HLCS: variants seen among roughly 807,000 people sequenced by gnomAD.
HLCS encodes holocarboxylase synthetase.
HLCS carries 53 observed loss-of-function variants against 75.0 expected under a neutral mutation model. The ratio of observed to expected loss-of-function variants is 0.71; its 90% CI spans 0.57 to 0.89. The LOEUF (loss-of-function observed/expected upper bound fraction) is 0.89. Ranked by LOEUF, HLCS falls within the 40% of genes least tolerant of loss-of-function variation. HLCS has a pLI of 0.00. For missense variants in HLCS, 966 were observed against 1,074.0 expected (o/e 0.90, Z 1.41); for synonymous variants, 431 against 428.6 (o/e 1.01, Z -0.07).
At chr21:36,865,432 AAAAC>A (rs2063522412) in intron 6 of HLCS, among the ~76,000 whole-genome samples, 1 of 152,134 alleles carries the variant, frequency 6.6e-6, no homozygotes, top group African/African-American at 2.4e-5. Context: ...AAATGGCATA[AAAAC>A]AAACAATAAA....
intron 5 of HLCS, among the ~76,000 whole-genome samples, chr21:36,906,198 C>T (rs976918340): frequency 7.2e-5 from 11 of 151,902 alleles, no homozygotes; most frequent in Non-Finnish European, 1.5e-4. Flanking sequence ...ATGTGCCAGA[C>T]CTGTTTACTG....
At chr21:36,830,821 CAAAAAAAAAAA>C (rs34494258) in intron 6 of HLCS, among the ~76,000 whole-genome samples, 1 of 62,004 alleles carries the variant, frequency 1.6e-5, no homozygotes, top group Non-Finnish European at 3.1e-5. Context: ...GACCCTCTCT[CAAAAAAAAAAA>C]AAAAAAAAAA....
In HLCS at chr21:36,966,497, C is replaced by A. The variant is rs1327173242; in HGVS notation, c.142G>T (p.Ala48Ser). Residue 48 changes from alanine (A) to serine (S), a missense_variant, in exon 1 of 11, where the codon GCC becomes TCC. Coordinates refer to ENST00000674895, the MANE Select transcript of HLCS (RefSeq NM_001352514.2). ...FCGAAAQPPG[A>S]RVCLSRGGRV... ...CCGCCACGGCTCAGGCACACGCGGG[C>A]GCCCGGGGGCTGCGCGGCCGCGCCG... The A allele has an allele frequency of 2.0e-6, 2 of 979,864 alleles. No homozygotes were observed. Among genetic ancestry groups the A allele is most frequent in the Non-Finnish European group, 2.4e-6 (2 of 829,612 alleles). 60.7% of individuals were successfully genotyped at this position (979,864 alleles called of 1,614,324 possible). A position where few individuals can be genotyped will look rare whatever the true frequency, so the allele number is the denominator to read the frequency against.
chr21:36,974,741 CA>C (rs2068891397), intron 1 of HLCS: 3 of 152,144 alleles, frequency 2.0e-5, no homozygotes, highest in Admixed American at 2.0e-4. Flanking sequence ...CCTGTAAGGA[CA>C]AAGGGAGAAG....
rs546756953 is a variant in HLCS at position 36,835,643 on chromosome 21, G to A, written c.1892+61217C>T. ...CCACACCCAGCCTCCCTGCTCTCCC[G>A]AGTTTATGGCCCTGGGCACCTCTCC... On this transcript the variant is annotated intron_variant, in intron 6 of 10. Transcript: ENST00000674895. Among the ~76,000 whole-genome samples the A allele has an allele frequency of 5.9e-5, 9 of 152,256 alleles. No individual in the cohort carries two copies. In the South Asian group the frequency reaches 1.0e-3, roughly 18 times the overall value.
intron 6 of HLCS, among the ~76,000 whole-genome samples, chr21:36,884,329 G>C (rs1364738800): frequency 1.3e-5 from 2 of 152,188 alleles, no homozygotes; most frequent in East Asian, 3.9e-4. Context: ...ATTGCAGCTT[G>C]TCCATTTTAA....
intron 6 of HLCS, among the ~76,000 whole-genome samples, chr21:36,829,659 G>T (rs543202171): frequency 4.2e-4 from 64 of 152,102 alleles, no homozygotes; most frequent in Non-Finnish European, 7.8e-4. Context: ...GATGTTTCTA[G>T]TATCAAAATA....
At chr21:36,921,334 AC>A (rs2066156676) in intron 5 of HLCS, among the ~76,000 whole-genome samples, 1 of 152,142 alleles carries the variant, frequency 6.6e-6, no homozygotes, top group Non-Finnish European at 1.5e-5. Context: ...AATTCCAGCT[AC>A]TCAGGAGGCT....
intron 6 of HLCS, among the ~76,000 whole-genome samples, chr21:36,772,178 G>C (rs1413690402): frequency 6.6e-6 from 1 of 151,990 alleles, no homozygotes; most frequent in Non-Finnish European, 1.5e-5. Flanking sequence ...AGAAAACACA[G>C]ATATATTTTA....
At chr21:36,918,245 T>G (rs918398215) in intron 5 of HLCS, among the ~76,000 whole-genome samples, 25 of 152,342 alleles carry the variant, frequency 1.6e-4, no homozygotes, top group African/African-American at 4.3e-4. Flanking sequence ...CAGAAACTTC[T>G]AGAAAATGCT....
intron 2 of HLCS, among the ~76,000 whole-genome samples, chr21:36,949,815 A>G (rs548836199): frequency 6.6e-6 from 1 of 152,364 alleles, no homozygotes; most frequent in South Asian, 2.1e-4. Flanking sequence ...GAACCTGCTG[A>G]GCATGAGTAA....
chr21:36,888,448 ATATATATATATATATATATATATAT>A lies in HLCS; in HGVS notation c.1892+8387_1892+8411del, dbSNP rs2064604588. On this transcript the variant is annotated intron_variant, in intron 6 of 10. Coordinates refer to ENST00000674895, the MANE Select transcript of HLCS (RefSeq NM_001352514.2). ...CTTCCCATTTAAAAAAAAAAAAAATATATATATATATATATATATATATATATATATATATATATATATATATATT... is the reference window on the plus strand; with the variant it reads ...CTTCCCATTTAAAAAAAAAAAAAATAATATATATATATATATATATATATT... 1.7e-3 allele frequency among the ~76,000 whole-genome samples: 44 copies of A among 26,506 alleles called. 2 individuals carry two copies. Among genetic ancestry groups the A allele is most frequent in the East Asian group, 4.7e-3 (5 of 1,054 alleles). The allele number at this position is 26,506 out of a possible 152,430, so 17.4% of individuals were successfully genotyped here.
chr21:36,907,265 T>G (rs934264309), intron 5 of HLCS, among the ~76,000 whole-genome samples: 2 of 152,284 alleles, frequency 1.3e-5, no homozygotes, highest in East Asian at 3.9e-4. Flanking sequence ...GGTAAAGTTT[T>G]TTTCAGATGG....
chr21:36,795,914 G>T (rs1228632356), intron 6 of HLCS, among the ~76,000 whole-genome samples: 2 of 152,150 alleles, frequency 1.3e-5, no homozygotes, highest in Non-Finnish European at 2.9e-5. Flanking sequence ...GTGGAAAAAA[G>T]AAAAACAGTG....
intron 6 of HLCS, among the ~76,000 whole-genome samples, chr21:36,823,929 C>A (rs1359098344): frequency 6.6e-6 from 1 of 152,144 alleles, no homozygotes; most frequent in African/African-American, 2.4e-5. Flanking sequence ...AAACAGAGCA[C>A]TGATGCCATG....
chr21:36,950,671 C>T (rs2146602185), intron 2 of HLCS, among the ~76,000 whole-genome samples: 1 of 151,924 alleles, frequency 6.6e-6, no homozygotes, highest in African/African-American at 2.4e-5. Context: ...GAGACAGCAT[C>T]TTGCTATGCT....
At chr21:36,952,941 C>T (rs148675081) in intron 2 of HLCS, among the ~76,000 whole-genome samples, 1 of 152,194 alleles carries the variant, frequency 6.6e-6, no homozygotes, top group Non-Finnish European at 1.5e-5. Flanking sequence ...TTCTCCCTTA[C>T]AAGAACAGAA....
chr21:36,790,164 G>A (rs780227242), intron 6 of HLCS, among the ~76,000 whole-genome samples: 6 of 152,142 alleles, frequency 3.9e-5, no homozygotes, highest in East Asian at 3.8e-4. Flanking sequence ...CCAGCACTTT[G>A]GGAGGCCAAG....
chr21:36,809,100 G>C (rs1280053397), intron 6 of HLCS, among the ~76,000 whole-genome samples: 1 of 151,986 alleles, frequency 6.6e-6, no homozygotes, highest in Non-Finnish European at 1.5e-5. Flanking sequence ...TGTAGTCCCA[G>C]CTACTCAGGA....
Sources: allele counts gnomAD v4.1 joint callset (sites outside exome capture counted in the v4.1 genomes callset), GRCh38; gene constraint gnomAD v4.1.1; transcripts MANE v1.5; gene names NCBI Gene and HGNC (gene_info 2026-07-23, HGNC 2026-07-21).